Variants in REEP5 observed in about 807,000 individuals in gnomAD.
REEP5 encodes receptor accessory protein 5.
REEP5 carries 24 observed loss-of-function variants against 22.4 expected under a neutral mutation model. That is an observed-to-expected ratio of 1.07 (90% CI 0.78 to 1.51). The LOEUF (loss-of-function observed/expected upper bound fraction) is 1.51, where lower values mean the gene tolerates loss of function less well. REEP5 is among the 40% of genes most tolerant of loss of function. REEP5 has a pLI of 0.00. For synonymous variants in REEP5, 103 were observed against 88.6 expected (o/e 1.16, Z -0.92); for missense variants, 252 against 233.0 (o/e 1.08, Z -0.53).
intron 2 of REEP5, among the ~76,000 whole-genome samples, chr5:112,915,406 A>T (rs1036646411): frequency 1.3e-5 from 2 of 152,228 alleles, no homozygotes; most frequent in African/African-American, 4.8e-5. Context: ...GCTGGCTGTC[A>T]TTATTTTACA....
chr5:112,880,707 T>C (rs902513366), intron 4 of REEP5, among the ~76,000 whole-genome samples: 1 of 152,216 alleles, frequency 6.6e-6, no homozygotes, highest in Non-Finnish European at 1.5e-5. Context: ...TAAGATTGGA[T>C]TTTAAGTATT....
intron 3 of REEP5, among the ~76,000 whole-genome samples, chr5:112,887,931 T>C (rs1302208008): frequency 1.3e-5 from 2 of 152,230 alleles, no homozygotes; most frequent in East Asian, 1.9e-4. Flanking sequence ...TACTCCTTTT[T>C]AAGATAAAAA....
At chr5:112,892,258 A>C in intron 3 of REEP5, 1 of 1,614,120 alleles carries the variant, frequency 6.2e-7, no homozygotes, top group South Asian at 1.1e-5. Flanking sequence ...TACCCTTCTT[A>C]TTAAGAGCAT....
intron 3 of REEP5, chr5:112,891,539 A>G: frequency 6.7e-7 from 1 of 1,485,840 alleles, no homozygotes; most frequent in Admixed American, 2.0e-5. Flanking sequence ...AAAACATAAA[A>G]TATTCATAAG....
At chr5:112,921,914 A>C in intron 1 of REEP5, 159 bp downstream of exon 1, 1 of 941,494 alleles carries the variant, frequency 1.1e-6, no homozygotes, top group Non-Finnish European at 1.5e-6. Flanking sequence ...TCCGATGCCC[A>C]CGCTTTCCGG....
intron 3 of REEP5, among the ~76,000 whole-genome samples, chr5:112,891,147 A>G (rs1768432029): frequency 7.0e-6 from 1 of 142,160 alleles, no homozygotes. Context: ...GTCTTGGCTC[A>G]CTGCAACCTC....
chr5:112,918,761 C>G (rs1265742090), intron 2 of REEP5, among the ~76,000 whole-genome samples: 1 of 152,216 alleles, frequency 6.6e-6, no homozygotes, highest in Admixed American at 6.5e-5. Context: ...CTGCACCTCT[C>G]TGGTGCCTCC....
intron 3 of REEP5, among the ~76,000 whole-genome samples, chr5:112,887,697 C>A (rs191057243): frequency 1.6e-4 from 25 of 152,100 alleles, no homozygotes; most frequent in African/African-American, 5.1e-4. Context: ...TAGATCTTAG[C>A]CTTCAAGGAA....
intron 3 of REEP5, chr5:112,897,339 A>G (rs1768716459): frequency 6.9e-6 from 1 of 145,034 alleles, no homozygotes; most frequent in Admixed American, 7.1e-5. Context: ...TCCCTACATA[A>G]AACACATCCC....
intron 2 of REEP5, among the ~76,000 whole-genome samples, chr5:112,905,950 C>G (rs1255025209): frequency 6.6e-6 from 1 of 152,166 alleles, no homozygotes; most frequent in African/African-American, 2.4e-5. Context: ...ATTAGACTTC[C>G]TTGTCCCAAT....
At chr5:112,897,507 T>A (rs1385864519) in intron 3 of REEP5, 9 of 152,168 alleles carry the variant, frequency 5.9e-5, no homozygotes, top group Non-Finnish European at 1.3e-4. Context: ...AATAAAGGAA[T>A]GAGCATATGT....
Position 112,878,671 on chromosome 5 carries a change from C to T in REEP5, c.*115G>A, listed in dbSNP as rs1182501716. ...TACAACACATTCCAATCTTTAATAT[C>T]TCAAAAATGTTTCCAAGGCAACATT... On this transcript the variant is annotated 3_prime_UTR_variant, in exon 5 of 5. Transcript: ENST00000379638. The T allele has an allele frequency of 6.3e-6, 9 of 1,426,636 alleles. No homozygotes were observed. Among genetic ancestry groups the T allele is most frequent in the African/African-American group, 1.4e-5 (1 of 69,358 alleles). 88.4% of individuals were successfully genotyped at this position (1,426,636 alleles called of 1,614,324 possible).
chr5:112,904,350 GTA>G (rs1768909285), intron 2 of REEP5, among the ~76,000 whole-genome samples: 1 of 152,082 alleles, frequency 6.6e-6, no homozygotes. Flanking sequence ...GTTTCATTTG[GTA>G]TAGTATGGCT....
intron 3 of REEP5, among the ~76,000 whole-genome samples, chr5:112,889,116 T>C (rs1768351916): frequency 1.3e-5 from 2 of 150,880 alleles, no homozygotes; most frequent in Admixed American, 6.6e-5. Flanking sequence ...CATGTGGAAC[T>C]GTGAGTCAAT....
rs115135696 is a variant in REEP5 at position 112,904,335 on chromosome 5, G to A, written c.213-1817C>T. 4.2e-3 allele frequency among the ~76,000 whole-genome samples: 632 copies of A among 152,106 alleles called. 3 individuals are homozygous for A. The highest frequency in any genetic ancestry group is 0.014 in the African/African-American group (572 of 41,500). On this transcript the variant is annotated intron_variant, in intron 2 of 4. Coordinates refer to ENST00000379638, the MANE Select transcript of REEP5 (RefSeq NM_005669.5). ...CTTTATGTGTAAGATTTCTTCTCCCGCTGTGTTTCATTTGGTATAGTATGG... is the reference window on the plus strand; with the variant it reads ...CTTTATGTGTAAGATTTCTTCTCCCACTGTGTTTCATTTGGTATAGTATGG...
Position 112,877,048 on chromosome 5 carries a change from T to C in REEP5, c.*1738A>G, listed in dbSNP as rs1767916344. On this transcript the variant is annotated 3_prime_UTR_variant, in exon 5 of 5. Coordinates refer to ENST00000379638, the MANE Select transcript of REEP5 (RefSeq NM_005669.5). ...ATTTATGGGAAAAGGATTTAAATAC[T>C]CCTAGATACTTAAAATTTTTTTAAT... 6.6e-6 allele frequency: 1 copy of C among 152,108 alleles called. No homozygotes were observed. Among genetic ancestry groups the C allele is most frequent in the Non-Finnish European group, 1.5e-5 (1 of 68,014 alleles). The allele number at this position is 152,108 out of a possible 1,614,324, so 9.4% of individuals were successfully genotyped here.
At chr5:112,883,595 C>T (rs980174602) in intron 4 of REEP5, among the ~76,000 whole-genome samples, 1 of 152,176 alleles carries the variant, frequency 6.6e-6, no homozygotes, top group East Asian at 1.9e-4. Context: ...ACACTACCTT[C>T]GTGATCTCAT....
At chr5:112,886,350 A>G (rs879801648) in intron 4 of REEP5, among the ~76,000 whole-genome samples, 1 of 152,202 alleles carries the variant, frequency 6.6e-6, no homozygotes, top group Non-Finnish European at 1.5e-5. Flanking sequence ...AAAGAGTGGT[A>G]GTTTGCCCTA....
At chr5:112,879,142 A>G (rs1009522496) in intron 4 of REEP5, among the ~76,000 whole-genome samples, 2 of 152,124 alleles carry the variant, frequency 1.3e-5, no homozygotes, top group African/African-American at 4.8e-5. Context: ...TGAAAGAAGC[A>G]GAGATTCCTT....
Sources: allele counts gnomAD v4.1 joint callset (sites outside exome capture counted in the v4.1 genomes callset), GRCh38; gene constraint gnomAD v4.1.1; transcripts MANE v1.5; gene names NCBI Gene and HGNC (gene_info 2026-07-23, HGNC 2026-07-21).